Variants in GALNTL6 observed in about 807,000 individuals in gnomAD.
GALNTL6 encodes the protein polypeptide N-acetylgalactosaminyltransferase-like 6.
GALNTL6 carries 46 observed loss-of-function variants against 73.7 expected under a neutral mutation model. The ratio of observed to expected loss-of-function variants is 0.62; its 90% CI spans 0.49 to 0.80. The LOEUF (loss-of-function observed/expected upper bound fraction) is 0.80. Among genes scored for constraint, GALNTL6 ranks in the 30% least tolerant of loss-of-function variants. GALNTL6 has a pLI of 0.00. For missense variants in GALNTL6, 604 were observed against 755.0 expected, an observed-to-expected ratio of 0.80 and a Z score of 2.34; for synonymous variants, 259 against 263.7, an observed-to-expected ratio of 0.98 and a Z score of 0.17.
At position 171,912,684 on chromosome 4, in the gene GALNTL6, T is replaced by A. The variant is rs973551244; in HGVS notation, c.138+97966T>A. On this transcript the variant is annotated intron_variant, in intron 2 of 12. Coordinates refer to ENST00000506823, the MANE Select transcript of GALNTL6 (RefSeq NM_001034845.3). ...TGGTTCTTTTACCTGGTCCCCAACT[T>A]TTCTTCACCCCTCTCCTTCCTCCAC... Among the ~76,000 whole-genome samples, 9 of 152,048 alleles carry A rather than the reference T, an allele frequency of 5.9e-5. No homozygotes were observed. The South Asian group carries it at 1.9e-3, about 32-fold the overall frequency.
chr4:172,145,387 G>A (rs531937633), intron 2 of GALNTL6, among the ~76,000 whole-genome samples: 46 of 152,140 alleles, frequency 3.0e-4, no homozygotes, highest in African/African-American at 1.0e-3. Flanking sequence ...TGATCCGCCC[G>A]CCTTGGCCTC....
chr4:171,852,950 C>T (rs1446212575), intron 2 of GALNTL6, among the ~76,000 whole-genome samples: 7 of 151,402 alleles, frequency 4.6e-5, no homozygotes, highest in Non-Finnish European at 4.4e-5. Context: ...GGGTTCACGC[C>T]GTTCGCCTGC....
At chr4:172,304,748 C>CT (rs1265644651) in intron 3 of GALNTL6, among the ~76,000 whole-genome samples, 5 of 152,102 alleles carry the variant, frequency 3.3e-5, no homozygotes, top group African/African-American at 1.2e-4. Context: ...TTTAGATAGA[C>CT]TTATTATGTT....
chr4:172,139,764 G>A (rs192782439), intron 2 of GALNTL6, among the ~76,000 whole-genome samples: 84 of 152,106 alleles, frequency 5.5e-4, no homozygotes, highest in African/African-American at 1.9e-3. Flanking sequence ...TCCCCCTCAC[G>A]GGAAGCAACT....
At chr4:172,110,820 T>C (rs1222057411) in intron 2 of GALNTL6, among the ~76,000 whole-genome samples, 3 of 152,114 alleles carry the variant, frequency 2.0e-5, no homozygotes, top group Non-Finnish European at 4.4e-5. Context: ...CTGACACCCA[T>C]AACTCCTAAA....
At chr4:172,136,199 T>C (rs1011807971) in intron 2 of GALNTL6, among the ~76,000 whole-genome samples, 3 of 152,128 alleles carry the variant, frequency 2.0e-5, no homozygotes, top group African/African-American at 7.2e-5. Flanking sequence ...TTGAAGTCAG[T>C]AGACTCTATA....
intron 2 of GALNTL6, among the ~76,000 whole-genome samples, chr4:172,202,582 G>C (rs1293269494): frequency 2.0e-5 from 3 of 152,054 alleles, no homozygotes. Context: ...TTAAAAAATA[G>C]CTTCATGTGG....
At chr4:172,398,854 A>G (rs943976462) in intron 5 of GALNTL6, among the ~76,000 whole-genome samples, 3 of 151,898 alleles carry the variant, frequency 2.0e-5, no homozygotes, top group Non-Finnish European at 4.4e-5. Flanking sequence ...GCCCTTGCCA[A>G]TGTTTGGGTT....
At chr4:172,328,182 A>AT (rs890385894) in intron 4 of GALNTL6, among the ~76,000 whole-genome samples, 23 of 151,330 alleles carry the variant, frequency 1.5e-4, no homozygotes, top group Non-Finnish European at 2.1e-4. Flanking sequence ...TTGGTTGAAG[A>AT]TTTTTTTTTC....
At chr4:172,605,062 T>C (rs182751389) in intron 5 of GALNTL6, among the ~76,000 whole-genome samples, 1 of 152,274 alleles carries the variant, frequency 6.6e-6, no homozygotes, top group East Asian at 1.9e-4. Flanking sequence ...AAATAAAAAA[T>C]AGAAGATACC....
intron 2 of GALNTL6, among the ~76,000 whole-genome samples, chr4:171,922,514 A>G (rs548542010): frequency 1.4e-5 from 2 of 141,854 alleles, no homozygotes; most frequent in African/African-American, 5.7e-5. Context: ...ATAGTGACAC[A>G]TATTTTTATT....
intron 2 of GALNTL6, among the ~76,000 whole-genome samples, chr4:171,991,886 G>A (rs1025753337): frequency 2.0e-5 from 3 of 151,500 alleles, no homozygotes; most frequent in Admixed American, 2.0e-4. Flanking sequence ...TCAATCTTAT[G>A]TCAATAAGTA....
At chr4:172,735,996 A>T (rs1165189275) in intron 5 of GALNTL6, among the ~76,000 whole-genome samples, 1 of 152,212 alleles carries the variant, frequency 6.6e-6, no homozygotes, top group Non-Finnish European at 1.5e-5. Context: ...TGGGTCACAG[A>T]GATCACATGC....
intron 5 of GALNTL6, among the ~76,000 whole-genome samples, chr4:172,358,605 CCCAGGGAAG>C (rs1301309106): frequency 6.6e-6 from 1 of 151,994 alleles, no homozygotes; most frequent in Non-Finnish European, 1.5e-5. Context: ...TCCAGTGTGG[CCCAGGGAAG>C]CCAAAAGATT....
chr4:171,942,076 C>T (rs531576649), intron 2 of GALNTL6, among the ~76,000 whole-genome samples: 1 of 151,974 alleles, frequency 6.6e-6, no homozygotes, highest in East Asian at 1.9e-4. Context: ...GATTTTAACA[C>T]ATATAAAACA....
At position 172,142,668 on chromosome 4, in the gene GALNTL6, C is replaced by T. The variant is rs181933776; in HGVS notation, c.139-86988C>T. On this transcript the variant is annotated intron_variant, in intron 2 of 12. Coordinates refer to ENST00000506823, the MANE Select transcript of GALNTL6 (RefSeq NM_001034845.3). Reference sequence around the variant, plus strand: ...TTTTCCAAACATTTCTTGCATTACTCATACCAATGAGTAATACTTTTGAAA... The same window carrying T: ...TTTTCCAAACATTTCTTGCATTACTTATACCAATGAGTAATACTTTTGAAA... 1.2e-4 allele frequency among the ~76,000 whole-genome samples: 19 copies of T among 152,090 alleles called. No individual in the cohort carries two copies. In the East Asian group the frequency reaches 3.3e-3, roughly 26 times the overall value.
chr4:171,849,818 T>C (rs1735471023), intron 2 of GALNTL6, among the ~76,000 whole-genome samples: 1 of 152,050 alleles, frequency 6.6e-6, no homozygotes, highest in Non-Finnish European at 1.5e-5. Flanking sequence ...GGAGGAGGGG[T>C]TGGGGCAGGA....
intron 7 of GALNTL6, among the ~76,000 whole-genome samples, chr4:172,869,731 C>T (rs999797795): frequency 2.6e-5 from 4 of 152,126 alleles, no homozygotes; most frequent in Non-Finnish European, 4.4e-5. Context: ...CTTCTGGTAC[C>T]CTCACCCTGA....
chr4:172,671,729 G>A (rs1305319859), intron 5 of GALNTL6, among the ~76,000 whole-genome samples: 3 of 152,154 alleles, frequency 2.0e-5, no homozygotes, highest in Admixed American at 6.5e-5. Flanking sequence ...TCCTCATCTT[G>A]TGCTGGTTTT....
Sources: gnomAD v4.1 joint callset for allele counts (sites outside exome capture counted in the v4.1 genomes callset) on GRCh38, gnomAD v4.1.1 for gene constraint, MANE v1.5 for transcripts, NCBI Gene and HGNC (gene_info 2026-07-23, HGNC 2026-07-21) for gene names.